KCNIP1: variants seen among roughly 807,000 people sequenced by gnomAD.
KCNIP1 encodes the protein potassium voltage-gated channel interacting protein 1.
Under a neutral mutation model 33.0 loss-of-function variants are expected in KCNIP1, and 18 were observed. That is an observed-to-expected ratio of 0.55 (90% CI 0.38 to 0.81). The LOEUF is 0.81. KCNIP1 is among the 30% of genes least tolerant of loss of function. The pLI is 0.00. For synonymous variants in KCNIP1, 93 were observed against 98.3 expected (o/e 0.95, Z 0.32); for missense variants, 238 against 271.6 (o/e 0.88, Z 0.87).
chr5:170,696,248 T>C (rs967452356), intron 1 of KCNIP1, among the ~76,000 whole-genome samples: 19 of 152,296 alleles, frequency 1.2e-4, no homozygotes, highest in African/African-American at 4.1e-4. Flanking sequence ...TGCATAGTCA[T>C]TGATGCCAGT....
At chr5:170,492,495 A>G (rs910039591) in intron 1 of KCNIP1, among the ~76,000 whole-genome samples, 2 of 152,206 alleles carry the variant, frequency 1.3e-5, no homozygotes, top group Non-Finnish European at 2.9e-5. Context: ...AGCATGATTG[A>G]TCAAATTATT....
At chr5:170,649,233 G>A (rs1760935824) in intron 1 of KCNIP1, among the ~76,000 whole-genome samples, 1 of 151,956 alleles carries the variant, frequency 6.6e-6, no homozygotes, top group African/African-American at 2.4e-5. Context: ...CATTTCAACA[G>A]CAAAAACTGG....
At chr5:170,553,056 A>C (rs1756711290) in intron 1 of KCNIP1, among the ~76,000 whole-genome samples, 1 of 152,238 alleles carries the variant, frequency 6.6e-6, no homozygotes, top group African/African-American at 2.4e-5. Flanking sequence ...CTTCAGCAGC[A>C]AGCTGCGGCC....
chr5:170,614,615 G>A (rs1198668237), intron 1 of KCNIP1, among the ~76,000 whole-genome samples: 7 of 152,090 alleles, frequency 4.6e-5, no homozygotes, highest in South Asian at 2.1e-4. Flanking sequence ...TCTCTCCCCC[G>A]TTGAGAATGC....
chr5:170,431,848 T>C (rs1279945131), intron 1 of KCNIP1, among the ~76,000 whole-genome samples: 1 of 152,190 alleles, frequency 6.6e-6, no homozygotes. Context: ...TTTGGCCTTT[T>C]CCCTCCAGAC....
chr5:170,551,938 G>T (rs1756658454), intron 1 of KCNIP1, among the ~76,000 whole-genome samples: 1 of 151,578 alleles, frequency 6.6e-6, no homozygotes, highest in Non-Finnish European at 1.5e-5. Flanking sequence ...ATGAATGTGA[G>T]TGTGCATGTG....
intron 1 of KCNIP1, among the ~76,000 whole-genome samples, chr5:170,637,814 C>T (rs1160899772): frequency 6.6e-6 from 1 of 152,100 alleles, no homozygotes; most frequent in Non-Finnish European, 1.5e-5. Flanking sequence ...TACATGTGAG[C>T]GATGCTGGGG....
At chr5:170,432,695 T>C (rs111892552) in intron 1 of KCNIP1, among the ~76,000 whole-genome samples, 2 of 151,028 alleles carry the variant, frequency 1.3e-5, no homozygotes, top group South Asian at 4.2e-4. Context: ...TGGGACAAGA[T>C]GCAGTGAGCA....
chr5:170,583,817 G>A (rs1027786480), intron 1 of KCNIP1, among the ~76,000 whole-genome samples: 11 of 152,196 alleles, frequency 7.2e-5, no homozygotes, highest in African/African-American at 2.7e-4. Context: ...AGCTCAGTGA[G>A]GTAAAGATAA....
intron 1 of KCNIP1, among the ~76,000 whole-genome samples, chr5:170,511,218 A>G (rs1452538727): frequency 6.6e-6 from 1 of 152,216 alleles, no homozygotes; most frequent in Non-Finnish European, 1.5e-5. Context: ...CAAAAAAAAT[A>G]AAAATTAAAA....
At chr5:170,470,907 T>C (rs374574502) in intron 1 of KCNIP1, among the ~76,000 whole-genome samples, 58 of 152,186 alleles carry the variant, frequency 3.8e-4, no homozygotes, top group African/African-American at 1.4e-3. Context: ...CTTCCCCTTA[T>C]CCAAGGTCTC....
intron 1 of KCNIP1, among the ~76,000 whole-genome samples, chr5:170,381,615 G>A (rs1764244512): frequency 6.6e-6 from 1 of 152,210 alleles, no homozygotes; most frequent in African/African-American, 2.4e-5. Flanking sequence ...CCTGCTATCA[G>A]CACCACACCT....
chr5:170,638,631 C>G (rs1016359541), intron 1 of KCNIP1, among the ~76,000 whole-genome samples: 1 of 152,162 alleles, frequency 6.6e-6, no homozygotes, highest in African/African-American at 2.4e-5. Context: ...CTCAGCCTCC[C>G]TGCTCTTCGT....
intron 1 of KCNIP1, among the ~76,000 whole-genome samples, chr5:170,668,955 A>C (rs1761814113): frequency 6.6e-6 from 1 of 152,176 alleles, no homozygotes; most frequent in Non-Finnish European, 1.5e-5. Flanking sequence ...TTGTTCCACT[A>C]GTCTTACCTT....
At chr5:170,546,694 T>C (rs1232991013) in intron 1 of KCNIP1, among the ~76,000 whole-genome samples, 1 of 152,166 alleles carries the variant, frequency 6.6e-6, no homozygotes, top group Non-Finnish European at 1.5e-5. Context: ...TTTTTCTTAA[T>C]AGTTGTTGCA....
chr5:170,659,432 A>G (rs1408943845), intron 1 of KCNIP1, among the ~76,000 whole-genome samples: 1 of 152,204 alleles, frequency 6.6e-6, no homozygotes, highest in Non-Finnish European at 1.5e-5. Context: ...TTATAAATGC[A>G]ATGTATGTCC....
At chr5:170,367,898 C>T (rs888221998) in intron 1 of KCNIP1, among the ~76,000 whole-genome samples, 6 of 152,208 alleles carry the variant, frequency 3.9e-5, no homozygotes, top group South Asian at 2.1e-4. Context: ...GCTGTGCATA[C>T]GGACTTTTAT....
intron 1 of KCNIP1, among the ~76,000 whole-genome samples, chr5:170,402,326 T>TATA (rs1488891251): frequency 2.6e-5 from 4 of 152,224 alleles, no homozygotes; most frequent in African/African-American, 9.6e-5. Flanking sequence ...TCAATCTATA[T>TATA]AACAACTCTG....
intron 6 of KCNIP1, among the ~76,000 whole-genome samples, chr5:170,733,346 G>A (rs1272252091): frequency 6.6e-6 from 1 of 152,134 alleles, no homozygotes; most frequent in African/African-American, 2.4e-5. Flanking sequence ...CTAAGGGAGT[G>A]GTATAATCAT....
Sources: allele counts gnomAD v4.1 joint callset (sites outside exome capture counted in the v4.1 genomes callset), GRCh38; gene constraint gnomAD v4.1.1; transcripts MANE v1.5; gene names NCBI Gene and HGNC (gene_info 2026-07-23, HGNC 2026-07-21).